The following SLC16A2 variants were observed in gnomAD, a reference collection of about 807,000 sequenced individuals.
SLC16A2 encodes the protein solute carrier family 16 member 2, also known as monocarboxylate transporter 8.
A neutral mutation model predicts 27.2 loss-of-function variants in SLC16A2; 3 were observed. That is an observed-to-expected ratio of 0.11 (90% CI 0.05 to 0.28). SLC16A2 has a LOEUF of 0.28. Among genes scored for constraint, SLC16A2 ranks in the 10% least tolerant of loss-of-function variants. The pLI is 1.00. For missense variants in SLC16A2, 295 were observed against 458.5 expected (o/e 0.64, Z 3.26); for synonymous variants, 202 against 187.8 (o/e 1.08, Z -0.62).
intron 1 of SLC16A2, among the ~76,000 whole-genome samples, chrX:74,509,740 A>AT (rs1483583492): frequency 9.0e-6 from 1 of 110,561 alleles, no homozygotes; most frequent in Non-Finnish European, 1.9e-5. Context: ...ATTTTTTTGT[A>AT]TTTTTTTAGT....
intron 1 of SLC16A2, among the ~76,000 whole-genome samples, chrX:74,433,961 G>A (rs1928576577): frequency 8.9e-6 from 1 of 112,233 alleles, no homozygotes; most frequent in Non-Finnish European, 1.9e-5. Flanking sequence ...GATTAAATGA[G>A]ATGAGGCATG....
intron 1 of SLC16A2, among the ~76,000 whole-genome samples, chrX:74,431,043 C>T (rs1216414328): frequency 8.9e-6 from 1 of 112,963 alleles, no homozygotes; most frequent in Non-Finnish European, 1.9e-5. Flanking sequence ...CACCCAGTCT[C>T]AGTTTGGAGA....
rs184870457 is a variant in SLC16A2 at position 74,431,344 on chromosome X, G to T, written c.430+9277G>T. On this transcript the variant is annotated intron_variant, in intron 1 of 5. Coordinates refer to ENST00000587091, the MANE Select transcript of SLC16A2 (RefSeq NM_006517.5). The stretch of plus-strand genomic sequence containing the variant: ...TGGATACAACATGGATGCAGCCAGA[G>T]ACCATTATCCTAAGCGAATTAACAA... 8.0e-5 allele frequency among the ~76,000 whole-genome samples: 9 copies of T among 112,235 alleles called. No homozygotes were observed. In the Admixed American group the frequency reaches 8.5e-4, roughly 11 times the overall value.
At chrX:74,518,637 G>A (rs972829160) in intron 1 of SLC16A2, among the ~76,000 whole-genome samples, 4 of 110,899 alleles carry the variant, frequency 3.6e-5, no homozygotes, top group Admixed American at 2.9e-4. Flanking sequence ...TTCTTGGTAA[G>A]GGCTATCTCA....
At chrX:74,463,032 G>A (rs1929181686) in intron 1 of SLC16A2, among the ~76,000 whole-genome samples, 1 of 111,272 alleles carries the variant, frequency 9.0e-6, no homozygotes, top group Non-Finnish European at 1.9e-5. Context: ...CTATCTTTTA[G>A]GATAGTGAAA....
intron 1 of SLC16A2, among the ~76,000 whole-genome samples, chrX:74,455,159 G>T (rs1293601342): frequency 8.9e-6 from 1 of 111,761 alleles, no homozygotes; most frequent in African/African-American, 3.3e-5. Context: ...GCATAGGTTT[G>T]CTTAGTGTTT....
rs1930480515 is a variant in SLC16A2, at chrX:74,525,878, G to C, written c.1155G>C (p.Lys385Asn). 4 of 1,211,681 alleles carry C rather than the reference G, an allele frequency of 3.3e-6. No homozygotes were observed. The highest frequency in any genetic ancestry group is 1.1e-6 in the Non-Finnish European group (1 of 895,549). The change falls in exon 4 of 6, where the codon AAG (lysine) becomes AAC (asparagine). Residue 385 changes from lysine (K) to asparagine (N), a missense_variant. By Grantham distance (94) the Lys-to-Asn change is moderately conservative. This residue lies in a region of SLC16A2 where 144 missense variants were observed against 219.8 expected (regional missense o/e 0.66). Transcript: ENST00000587091. ...TCAGTGACTCCATCCCTGGACTTAA[G>C]AAGATCTACTTGCAGGTGAGTGTGA... The part of the protein sequence containing the change: ...GHISDSIPGL[K>N]KIYLQVLSFL...
chrX:74,497,215 G>T (rs183092105), intron 1 of SLC16A2, among the ~76,000 whole-genome samples: 2 of 111,869 alleles, frequency 1.8e-5, no homozygotes, highest in African/African-American at 3.2e-5. Context: ...CCAGCCAGGG[G>T]CCAGGACCTT....
chrX:74,505,285 C>T (rs760290178), intron 1 of SLC16A2, among the ~76,000 whole-genome samples: 10 of 111,787 alleles, frequency 8.9e-5, no homozygotes, highest in African/African-American at 3.2e-4. Context: ...ACTAGCCAAC[C>T]GATGTAATAT....
In SLC16A2 at chrX:74,493,360, T is replaced by C. The variant is rs1259033163; in HGVS notation, c.431-27630T>C. ...GAGACCATATAAGATAATTCCCTCC[T>C]AGAGATCAGGAAACTGACAGTCAGG... On this transcript the variant is annotated intron_variant, in intron 1 of 5. Transcript: ENST00000587091. 2.7e-5 allele frequency among the ~76,000 whole-genome samples: 3 copies of C among 111,777 alleles called. No homozygotes were observed. The Admixed American group carries it at 2.8e-4, about 11-fold the overall frequency.
chrX:74,481,644 C>A (rs1929622125), intron 1 of SLC16A2, among the ~76,000 whole-genome samples: 1 of 108,927 alleles, frequency 9.2e-6, no homozygotes, highest in African/African-American at 3.3e-5. Flanking sequence ...TGGATCTTTT[C>A]ACAAAACCAA....
At chrX:74,481,925 C>A (rs1224314596) in intron 1 of SLC16A2, among the ~76,000 whole-genome samples, 1 of 109,696 alleles carries the variant, frequency 9.1e-6, no homozygotes, top group Non-Finnish European at 1.9e-5. Context: ...TTACCATGAT[C>A]TAATTCCACA....
intron 1 of SLC16A2, among the ~76,000 whole-genome samples, chrX:74,501,782 A>G (rs893541201): frequency 2.7e-5 from 3 of 111,384 alleles, no homozygotes; most frequent in Non-Finnish European, 5.7e-5. Context: ...GAGGGTACAG[A>G]AAACATTTTT....
At chrX:74,496,362 C>T (rs1263921239) in intron 1 of SLC16A2, among the ~76,000 whole-genome samples, 2 of 111,312 alleles carry the variant, frequency 1.8e-5, no homozygotes, top group Non-Finnish European at 3.8e-5. Context: ...CTAACTTGAC[C>T]ATCCCACCCA....
chrX:74,493,328 G>C (rs1569294624), intron 1 of SLC16A2, among the ~76,000 whole-genome samples: 1 of 111,963 alleles, frequency 8.9e-6, no homozygotes, highest in Non-Finnish European at 1.9e-5. Context: ...AGCGTGAAGA[G>C]AGGCAAGAGA....
At chrX:74,483,541 C>G (rs1036142775) in intron 1 of SLC16A2, among the ~76,000 whole-genome samples, 1 of 110,779 alleles carries the variant, frequency 9.0e-6, no homozygotes, top group Non-Finnish European at 1.9e-5. Context: ...ATACTATAGA[C>G]AAAAACTTCT....
intron 1 of SLC16A2, among the ~76,000 whole-genome samples, chrX:74,479,833 G>A (rs80354930): frequency 1.8e-5 from 2 of 111,753 alleles, no homozygotes; most frequent in East Asian, 2.8e-4. Flanking sequence ...CTGCCTGATC[G>A]TTCCTCTGGA....
chrX:74,468,239 G>A lies in SLC16A2; in HGVS notation c.430+46172G>A, dbSNP rs184062708. Among the ~76,000 whole-genome samples the A allele has an allele frequency of 6.8e-3, 760 of 111,310 alleles. 1 individual carries two copies. Among genetic ancestry groups the A allele is most frequent in the South Asian group, 0.025 (66 of 2,660 alleles). ...TCATCACCTGGAAAGAAACATGTAC[G>A]CTTTAGGCATCCCTACCACCAAAAT... On this transcript the variant is annotated intron_variant, in intron 1 of 5. Transcript: ENST00000587091.
chrX:74,442,936 A>G (rs967866291), intron 1 of SLC16A2, among the ~76,000 whole-genome samples: 9 of 111,836 alleles, frequency 8.0e-5, no homozygotes, highest in Non-Finnish European at 1.5e-4. Flanking sequence ...CATCCTGGGC[A>G]ATAGAGGGAG....
Sources: gnomAD v4.1 joint callset for allele counts (sites outside exome capture counted in the v4.1 genomes callset) on GRCh38, gnomAD v4.1.1 for gene constraint, gnomAD v4.1.1 regional missense constraint, MANE v1.5 for transcripts, NCBI Gene and HGNC (gene_info 2026-07-23, HGNC 2026-07-21) for gene names.